GSTZ1: variants seen among roughly 807,000 people sequenced by gnomAD.
GSTZ1 encodes the protein glutathione S-transferase zeta 1, also known as maleylacetoacetate isomerase.
A neutral mutation model predicts 35.9 loss-of-function variants in GSTZ1; 34 were observed. The ratio of observed to expected loss-of-function variants is 0.95; its 90% CI spans 0.72 to 1.26. The LOEUF is 1.26. GSTZ1 is among the 50% of genes most tolerant of loss of function. GSTZ1 has a pLI of 0.00. For missense variants in GSTZ1, 263 were observed against 271.7 expected (o/e 0.97, Z 0.23); for synonymous variants, 93 against 101.2 (o/e 0.92, Z 0.49).
At chr14:77,326,663 C>T (rs8177560) in intron 2 of GSTZ1, 175 bp from the exon 3 acceptor site, 13,242 of 580,126 alleles carry the variant, frequency 0.023, 217 homozygotes, top group Middle Eastern at 0.06. Context: ...GTAGGGAGCA[C>T]GTGGTGACAA....
At chr14:77,329,390 A>G in intron 6 of GSTZ1, 189 bp downstream of exon 6, 1 of 610,808 alleles carries the variant, frequency 1.6e-6, no homozygotes, top group Non-Finnish European at 2.9e-6. Context: ...ACTTCTGGGA[A>G]CCTCGGTCCC....
chr14:77,324,566 G>C lies in GSTZ1; in HGVS notation c.16-304G>C, dbSNP rs773790071. On this transcript the variant is annotated intron_variant, in intron 1 of 8. Coordinates refer to ENST00000216465, the MANE Select transcript of GSTZ1 (RefSeq NM_145870.3). Reference sequence around the variant, plus strand: ...TTCCCTGCTCAGAAGCTGTGCCAGAGGGGACATTTCCTGGGAGGCTGAGGG... The same window carrying C: ...TTCCCTGCTCAGAAGCTGTGCCAGACGGGACATTTCCTGGGAGGCTGAGGG... 2.0e-6 allele frequency: 3 copies of C among 1,529,368 alleles called. No individual in the cohort carries two copies. The South Asian group carries it at 3.6e-5, about 18-fold the overall frequency. 94.7% of individuals were successfully genotyped at this position (1,529,368 alleles called of 1,614,324 possible). A position where few individuals can be genotyped will look rare whatever the true frequency, so the allele number is the denominator to read the frequency against.
intron 1 of GSTZ1, 160 bp downstream of exon 1, chr14:77,321,343 G>C: frequency 6.5e-7 from 1 of 1,533,422 alleles, no homozygotes; most frequent in Non-Finnish European, 8.7e-7. Flanking sequence ...GCTGCGCGCT[G>C]CCCGCTGGGG....
chr14:77,321,357 G>T (rs773402488), intron 1 of GSTZ1, 174 bp downstream of exon 1: 1 of 1,531,980 alleles, frequency 6.5e-7, no homozygotes, highest in African/African-American at 1.4e-5. Context: ...GCTGGGGCTC[G>T]AAGTTCCGGG....
chr14:77,321,321 C>A, intron 1 of GSTZ1, 138 bp downstream of exon 1: 1 of 1,529,784 alleles, frequency 6.5e-7, no homozygotes, highest in East Asian at 2.5e-5. Flanking sequence ...CGGGCACGCT[C>A]TGCGCCTGCG....
intron 5 of GSTZ1, 21 bp downstream of exon 5, chr14:77,328,058 C>A (rs781248807): frequency 6.2e-6 from 10 of 1,601,324 alleles, no homozygotes; most frequent in Middle Eastern, 1.7e-4. Flanking sequence ...TGTACACTTG[C>A]ACCCTTGCAC....
chr14:77,327,389 G>A, intron 3 of GSTZ1, 83 bp from the exon 4 acceptor site: 1 of 801,518 alleles, frequency 1.2e-6, no homozygotes, highest in Non-Finnish European at 2.2e-6. Flanking sequence ...TGGGTGGCAG[G>A]CCTGGGGTTC....
Position 77,331,336 on chromosome 14 carries a change from TC to T in GSTZ1, c.*143del. 1.1e-6 allele frequency: 1 copy of T among 928,386 alleles called. No individual in the cohort carries two copies. Among genetic ancestry groups the T allele is most frequent in the Non-Finnish European group, 1.6e-6 (1 of 637,604 alleles). The allele number at this position is 928,386 out of a possible 1,614,324, so 57.5% of individuals were successfully genotyped here. A position where few individuals can be genotyped will look rare whatever the true frequency, so the allele number is the denominator to read the frequency against. On this transcript the variant is annotated 3_prime_UTR_variant, in exon 9 of 9. Transcript: ENST00000216465. The stretch of plus-strand genomic sequence containing the variant: ...GATCTGCCTTCCTGCTGAAACTTGT[TC>T]CACCTCAGTCCCCTCATCTGTCACA...
At chr14:77,321,219 T>C in intron 1 of GSTZ1, 36 bp downstream of exon 1, 1 of 1,519,338 alleles carries the variant, frequency 6.6e-7, no homozygotes, top group Non-Finnish European at 8.9e-7. Context: ...GGAAGCTGGT[T>C]AGACACCTGG....
chr14:77,328,845 T>C, intron 5 of GSTZ1: 1 of 500,178 alleles, frequency 2.0e-6, no homozygotes, highest in South Asian at 2.2e-5. Context: ...CATGGCCGCG[T>C]CCTGTGTCAC....
chr14:77,331,451 G>T lies in GSTZ1; in HGVS notation c.*256G>T. ...GACGGGGCAGTCGTGAGGCTGAGATGAGAATGCGGATTAAAATGCCTGGCG... is the reference window on the plus strand; with the variant it reads ...GACGGGGCAGTCGTGAGGCTGAGATTAGAATGCGGATTAAAATGCCTGGCG... On this transcript the variant is annotated 3_prime_UTR_variant, in exon 9 of 9. Transcript: ENST00000216465. 2.3e-6 allele frequency: 1 copy of T among 426,306 alleles called. No individual in the cohort carries two copies. The highest frequency in any genetic ancestry group is 4.2e-6 in the Non-Finnish European group (1 of 236,126). The allele number at this position is 426,306 out of a possible 1,614,324, so 26.4% of individuals were successfully genotyped here. A position where few individuals can be genotyped will look rare whatever the true frequency, so the allele number is the denominator to read the frequency against.
chr14:77,325,097 C>T (rs1485390036), intron 2 of GSTZ1, 176 bp downstream of exon 2: 7 of 631,384 alleles, frequency 1.1e-5, no homozygotes, highest in Admixed American at 4.7e-5. Flanking sequence ...ATCTCCACCC[C>T]GGAAACACAG....
chr14:77,322,531 G>T (rs1414064814), intron 1 of GSTZ1: 1 of 937,546 alleles, frequency 1.1e-6, no homozygotes, highest in Non-Finnish European at 1.3e-6. Flanking sequence ...GCTAATTAAT[G>T]TCTGCCACAC....
rs945547115 is a variant in GSTZ1, at chr14:77,321,347, G to C, written c.15+164G>C. On this transcript the variant is annotated intron_variant, in intron 1 of 8. Transcript: ENST00000216465. ...TGCGCCTGCGTGCTGCGCGCTGCCC[G>C]CTGGGGCTCGAAGTTCCGGGAGGGT... 5.2e-6 allele frequency: 8 copies of C among 1,533,036 alleles called. No homozygotes were observed. The African/African-American group carries it at 8.2e-5, about 16-fold the overall frequency. 95.0% of individuals were successfully genotyped at this position (1,533,036 alleles called of 1,614,324 possible).
chr14:77,329,334 C>CT (rs2139580398), intron 6 of GSTZ1, 133 bp downstream of exon 6: 2 of 702,840 alleles, frequency 2.8e-6, no homozygotes, highest in Non-Finnish European at 5.2e-6. Context: ...GAGGGCAGGA[C>CT]TGGGGAGGCA....
At chr14:77,321,514 C>G (rs754123794) in intron 1 of GSTZ1, 47 of 1,347,790 alleles carry the variant, frequency 3.5e-5, no homozygotes, top group Non-Finnish European at 4.5e-5. Flanking sequence ...CGCCCCAAGC[C>G]TCCCAATTTC....
At chr14:77,330,969 C>G in intron 8 of GSTZ1, 100 bp from the exon 9 acceptor site, 1 of 1,194,232 alleles carries the variant, frequency 8.4e-7, no homozygotes, top group Non-Finnish European at 1.2e-6. Flanking sequence ...ACAGCTCCCT[C>G]GACCTCATCC....
intron 1 of GSTZ1, 88 bp from the exon 2 acceptor site, chr14:77,324,782 G>T (rs1892225735): frequency 1.5e-6 from 2 of 1,349,000 alleles, no homozygotes. Flanking sequence ...GAGGAGGCCT[G>T]GCAGGACAGG....
At chr14:77,321,384 A>C (rs1354793574) in intron 1 of GSTZ1, 1 of 1,530,066 alleles carries the variant, frequency 6.5e-7, no homozygotes. Context: ...GGGCCAGAGG[A>C]GGCGGTCCTG....
Sources: allele counts gnomAD v4.1 joint callset, GRCh38; gene constraint gnomAD v4.1.1; transcripts MANE v1.5; gene names NCBI Gene and HGNC (gene_info 2026-07-23, HGNC 2026-07-21).